Variants in COL18A1 observed in about 807,000 individuals in gnomAD.
The protein encoded by COL18A1 is collagen type XVIII alpha 1 chain.
COL18A1 carries 133 observed loss-of-function variants against 168.0 expected under a neutral mutation model. The observed-to-expected ratio is 0.79, with a 90% CI of 0.69 to 0.91. The LOEUF (loss-of-function observed/expected upper bound fraction) is 0.91. Among genes scored for constraint, COL18A1 ranks in the 40% least tolerant of loss-of-function variants. The pLI is 0.00. For missense variants in COL18A1, 2,126 were observed against 1,925.4 expected, an observed-to-expected ratio of 1.10 and a Z score of -1.95; for synonymous variants, 949 against 809.0, an observed-to-expected ratio of 1.17 and a Z score of -2.94.
intron 2 of COL18A1, among the ~76,000 whole-genome samples, chr21:45,427,062 A>T (rs1221761206): frequency 6.6e-6 from 1 of 152,132 alleles, no homozygotes; most frequent in Non-Finnish European, 1.5e-5. Context: ...CTGGAAGGCG[A>T]TGTCTGTGCG....
rs376597265 is a variant in COL18A1, at chr21:45,494,569, C to T, written c.2377C>T (p.Pro793Ser). The change falls in exon 27 of 42, where the codon CCG becomes TCG. Residue 793 changes from proline to serine, a missense_variant and splice_region_variant. Transcript: ENST00000651438. ...GGGAGAGCCGGGCTTCCGAGGACCCCCGGTAAGTCGGTCCCTGGCTTTCTC... is the reference window on the plus strand; with the variant it reads ...GGGAGAGCCGGGCTTCCGAGGACCCTCGGTAAGTCGGTCCCTGGCTTTCTC... ...AKGEPGFRGP[P>S]GPYGRPGYKG... is the part of the protein sequence containing the mutation. 5 of 1,613,088 alleles carry T rather than the reference C, an allele frequency of 3.1e-6. No homozygotes were observed. The highest frequency in any genetic ancestry group is 4.2e-6 in the Non-Finnish European group (5 of 1,179,986).
At chr21:45,476,503 T>TGTGTGTGTGGTGTGGG (rs753080879) in intron 6 of COL18A1, 23 bp downstream of exon 6, 2 of 1,573,726 alleles carry the variant, frequency 1.3e-6, no homozygotes. Flanking sequence ...CTGGATGTGG[T>TGTGTGTGTGGTGTGGG]GTGTGTGTGG....
rs1426176149 is a variant in COL18A1 at position 45,431,424 on chromosome 21, A to G, written c.106+25951A>G. On this transcript the variant is annotated intron_variant, in intron 2 of 41. Transcript: ENST00000651438. ...CAGGCAGGACCCGGCGGCCCAGGGG[A>G]GGTGGGCAGGCAGGACCCGGCGGCC... is the stretch of plus-strand genomic sequence containing the variant. 2.9e-3 allele frequency among the ~76,000 whole-genome samples: 130 copies of G among 44,582 alleles called. 1 individual carries two copies. Among genetic ancestry groups the G allele is most frequent in the Admixed American group, 5.9e-3 (22 of 3,746 alleles). The allele number at this position is 44,582 out of a possible 152,430, so 29.2% of individuals were successfully genotyped here. A position where few individuals can be genotyped will look rare whatever the true frequency, so the allele number is the denominator to read the frequency against.
chr21:45,412,927 C>T (rs146407937), intron 2 of COL18A1, among the ~76,000 whole-genome samples: 134 of 152,346 alleles, frequency 8.8e-4, no homozygotes, highest in African/African-American at 3.1e-3. Flanking sequence ...TGGCTGAGAG[C>T]TCAGGCTGTG....
chr21:45,508,866 A>G (rs1011580944), intron 38 of COL18A1, among the ~76,000 whole-genome samples: 21 of 152,120 alleles, frequency 1.4e-4, no homozygotes, highest in African/African-American at 5.1e-4. Flanking sequence ...GTGGATGGCA[A>G]TGGCAGCTGG....
At chr21:45,501,603 G>A (rs1005081972) in intron 32 of COL18A1, among the ~76,000 whole-genome samples, 2 of 152,152 alleles carry the variant, frequency 1.3e-5, no homozygotes, top group Admixed American at 6.5e-5. Flanking sequence ...TCACACTGCA[G>A]CCGCAGGGGC....
chr21:45,458,509 C>T (rs893273975), intron 2 of COL18A1, among the ~76,000 whole-genome samples: 6 of 152,156 alleles, frequency 3.9e-5, no homozygotes, highest in Non-Finnish European at 7.4e-5. Context: ...TCCCACTCAT[C>T]CTCCGTCCCT....
chr21:45,460,421 A>G (rs1433048449), intron 2 of COL18A1, among the ~76,000 whole-genome samples: 1 of 152,096 alleles, frequency 6.6e-6, no homozygotes, highest in African/African-American at 2.4e-5. Context: ...AGTGGTGCAC[A>G]GGCCCCTGGG....
At chr21:45,456,399 C>G in intron 2 of COL18A1, 1 of 1,546,746 alleles carries the variant, frequency 6.5e-7, no homozygotes, top group Non-Finnish European at 8.7e-7. Context: ...GGCGCACTGT[C>G]TCAGGTCGCA....
At chr21:45,489,178 G>A (rs1012586382) in intron 18 of COL18A1, among the ~76,000 whole-genome samples, 39 of 152,232 alleles carry the variant, frequency 2.6e-4, no homozygotes, top group African/African-American at 8.7e-4. Flanking sequence ...GGGAAGGGCC[G>A]TGTGTTTGCT....
intron 2 of COL18A1, among the ~76,000 whole-genome samples, chr21:45,415,262 T>C (rs2033407970): frequency 6.6e-6 from 1 of 152,160 alleles, no homozygotes. Context: ...CCCTCAAGGC[T>C]GCTGGGGGTC....
chr21:45,512,171 C>A lies in COL18A1; in HGVS notation c.3810-17C>A. 1.2e-6 allele frequency: 2 copies of A among 1,605,164 alleles called. No individual in the cohort carries two copies. The highest frequency in any genetic ancestry group is 2.3e-5 in the East Asian group (1 of 44,254). ...GAGCAGGTCTGGGTTTGACTGACGG[C>A]CCGGCGCGTCTTACAGGCCCCAGAA... On this transcript the variant is annotated splice_polypyrimidine_tract_variant and intron_variant, in intron 41 of 41. Coordinates refer to ENST00000651438, the MANE Select transcript of COL18A1 (RefSeq NM_001379500.1).
rs781660752 is a variant in COL18A1 at position 45,505,238 on chromosome 21, CCCCCCAGGG to C, written c.2979_2987del (p.Gly994_Pro996del). The C allele has an allele frequency of 3.5e-4, 567 of 1,598,604 alleles. No homozygotes were observed. Among genetic ancestry groups the C allele is most frequent in the East Asian group, 3.5e-3 (155 of 44,660 alleles). On this transcript the variant is annotated inframe_deletion, in exon 35 of 42. Transcript: ENST00000651438. ...GCCAGGGCCCTCCCGGCCCCCCAGG[CCCCCCAGGG>C]CCCCCTTCATTTCCTGGCCCTCACA... is the stretch of plus-strand genomic sequence containing the variant.
At chr21:45,445,179 T>C (rs997001594) in intron 2 of COL18A1, among the ~76,000 whole-genome samples, 6 of 152,352 alleles carry the variant, frequency 3.9e-5, no homozygotes, top group East Asian at 1.9e-4. Context: ...GGTTCCGTCT[T>C]CTGAGCTTCC....
In COL18A1 at chr21:45,423,551, G is replaced by A. The variant is rs77700408; in HGVS notation, c.106+18078G>A. Among the ~76,000 whole-genome samples the A allele has an allele frequency of 6.6e-6, 1 of 150,832 alleles. No individual in the cohort carries two copies. Among genetic ancestry groups the A allele is most frequent in the Admixed American group, 6.7e-5 (1 of 15,030 alleles). On this transcript the variant is annotated intron_variant, in intron 2 of 41. Transcript: ENST00000651438. The surrounding 1 kb of genome is among the most constrained non-coding windows in gnomAD (Gnocchi z 4.0). ...GGTCATATGAGTGGATCTGGAGGTCGGCCTCTCTTGAATCCCAGCCTCCTC... is the reference window on the plus strand; with the variant it reads ...GGTCATATGAGTGGATCTGGAGGTCAGCCTCTCTTGAATCCCAGCCTCCTC...
At chr21:45,503,752 A>G (rs896103751) in intron 32 of COL18A1, among the ~76,000 whole-genome samples, 3 of 152,152 alleles carry the variant, frequency 2.0e-5, no homozygotes, top group Non-Finnish European at 4.4e-5. Context: ...TAACCTGCAC[A>G]TCATGCACAT....
intron 2 of COL18A1, among the ~76,000 whole-genome samples, chr21:45,441,709 G>A (rs1280007319): frequency 6.6e-6 from 1 of 152,246 alleles, no homozygotes; most frequent in Admixed American, 6.5e-5. Context: ...GGTCTCCTCT[G>A]AGCAGGGCCA....
intron 2 of COL18A1, chr21:45,456,444 T>C (rs1602424073): frequency 6.5e-7 from 1 of 1,543,848 alleles, no homozygotes. Flanking sequence ...GGTGCTTGGG[T>C]CTCCCACGTG....
chr21:45,508,441 A>AAGTGGGTG (rs1031122902), intron 38 of COL18A1, among the ~76,000 whole-genome samples: 1 of 127,298 alleles, frequency 7.9e-6, no homozygotes, highest in Non-Finnish European at 1.7e-5. Flanking sequence ...GATGGTGGGT[A>AAGTGGGTG]AGTGGGTGAG....
Sources: gnomAD v4.1 joint callset for allele counts (sites outside exome capture counted in the v4.1 genomes callset) on GRCh38, gnomAD v4.1.1 for gene constraint, Gnocchi (gnomAD v3.1) non-coding constraint, MANE v1.5 for transcripts, NCBI Gene and HGNC (gene_info 2026-07-23, HGNC 2026-07-21) for gene names.